The following CNTN5 variants were observed in gnomAD, a reference collection of about 807,000 sequenced individuals.
CNTN5 encodes the protein contactin-5.
CNTN5 carries 77 observed loss-of-function variants against 129.1 expected under a neutral mutation model. The ratio of observed to expected loss-of-function variants is 0.60; its 90% CI spans 0.50 to 0.72. The LOEUF (loss-of-function observed/expected upper bound fraction) is 0.72. Among genes scored for constraint, CNTN5 ranks in the 30% least tolerant of loss-of-function variants. CNTN5 has a pLI of 0.00. For synonymous variants in CNTN5, 509 were observed against 465.6 expected, an observed-to-expected ratio of 1.09 and a Z score of -1.20; for missense variants, 1,478 against 1,328.8, an observed-to-expected ratio of 1.11 and a Z score of -1.75.
At chr11:100,151,042 T>C (rs1947036214) in intron 13 of CNTN5, among the ~76,000 whole-genome samples, 1 of 152,102 alleles carries the variant, frequency 6.6e-6, no homozygotes, top group African/African-American at 2.4e-5. Flanking sequence ...CCACATTTTC[T>C]GGCACCTTGG....
intron 1 of CNTN5, among the ~76,000 whole-genome samples, chr11:99,320,428 T>A (rs559513985): frequency 6.6e-6 from 1 of 152,230 alleles, no homozygotes; most frequent in East Asian, 1.9e-4. Flanking sequence ...AATTTTGTTG[T>A]GACTTTGAGG....
intron 8 of CNTN5, among the ~76,000 whole-genome samples, chr11:99,982,133 T>G (rs1013550407): frequency 6.6e-6 from 1 of 152,204 alleles, no homozygotes; most frequent in South Asian, 2.1e-4. Flanking sequence ...AGCTGATAAC[T>G]TCAGTGAATG....
At chr11:99,618,119 G>T (rs1442637489) in intron 3 of CNTN5, among the ~76,000 whole-genome samples, 2 of 152,066 alleles carry the variant, frequency 1.3e-5, no homozygotes, top group African/African-American at 4.8e-5. Flanking sequence ...CTTGGCAGAG[G>T]TCTGGAAAGT....
chr11:99,537,679 G>A (rs1054059194), intron 2 of CNTN5, among the ~76,000 whole-genome samples: 10 of 152,246 alleles, frequency 6.6e-5, no homozygotes, highest in Non-Finnish European at 1.3e-4. Context: ...CAGAGCTCAT[G>A]TTGTCTGTGG....
intron 1 of CNTN5, among the ~76,000 whole-genome samples, chr11:99,069,073 G>A (rs183725602): frequency 5.3e-5 from 8 of 152,128 alleles, no homozygotes; most frequent in Non-Finnish European, 1.0e-4. Context: ...ATAGGAAGCC[G>A]ACAAGGTTGA....
At chr11:99,563,343 T>A (rs946287466) in intron 3 of CNTN5, among the ~76,000 whole-genome samples, 3 of 152,168 alleles carry the variant, frequency 2.0e-5, no homozygotes, top group Non-Finnish European at 4.4e-5. Context: ...TTTCTGACAA[T>A]GTAAACCTAG....
chr11:99,284,142 T>G (rs2447140), intron 1 of CNTN5, among the ~76,000 whole-genome samples: 1 of 151,882 alleles, frequency 6.6e-6, no homozygotes, highest in African/African-American at 2.4e-5. Flanking sequence ...GTCAGTGGAG[T>G]GCTTAACACC....
intron 1 of CNTN5, among the ~76,000 whole-genome samples, chr11:99,106,382 G>C (rs1386230631): frequency 6.6e-6 from 1 of 152,004 alleles, no homozygotes. Flanking sequence ...TTGGCCATTG[G>C]GAACTGTGTG....
Position 100,356,192 on chromosome 11 carries a change from C to T in CNTN5, c.3275C>T (p.Ala1092Val), listed in dbSNP as rs780922248. ...TSSSSVTLLL[A>V]LMIPSTSW ...TCGTCATCAGTCACCTTGCTCTTGG[C>T]ATTGATGATTCCTTCAACTTCCTGG... is the stretch of plus-strand genomic sequence containing the variant. Residue 1092 changes from alanine to valine, a missense_variant, in exon 25 of 25, where the codon GCA becomes GTA. Coordinates refer to ENST00000524871, the MANE Select transcript of CNTN5 (RefSeq NM_014361.4). 5 of 1,609,384 alleles carry T rather than the reference C, an allele frequency of 3.1e-6. No individual in the cohort carries two copies. The African/African-American group carries it at 5.4e-5, about 17-fold the overall frequency.
intron 3 of CNTN5, among the ~76,000 whole-genome samples, chr11:99,700,813 A>G (rs1954485278): frequency 6.6e-6 from 1 of 151,272 alleles, no homozygotes. Flanking sequence ...AGACTTTGTC[A>G]AAAGGCAGAG....
intron 6 of CNTN5, among the ~76,000 whole-genome samples, chr11:99,867,742 T>A (rs1406602471): frequency 1.3e-5 from 2 of 152,176 alleles, no homozygotes; most frequent in Admixed American, 6.6e-5. Flanking sequence ...GTCAGGTGAT[T>A]AACAGACTTA....
intron 1 of CNTN5, among the ~76,000 whole-genome samples, chr11:99,279,703 G>A (rs987876275): frequency 4.0e-5 from 6 of 151,504 alleles, no homozygotes; most frequent in African/African-American, 1.5e-4. Context: ...GTGTTATCTA[G>A]TATTTTTTAC....
intron 1 of CNTN5, among the ~76,000 whole-genome samples, chr11:99,274,525 A>T (rs1307220141): frequency 6.6e-6 from 1 of 151,608 alleles, no homozygotes; most frequent in African/African-American, 2.4e-5. Flanking sequence ...TATAATTAGT[A>T]TCTTTTGTAT....
intron 2 of CNTN5, among the ~76,000 whole-genome samples, chr11:99,374,385 T>C (rs538960136): frequency 6.6e-6 from 1 of 152,362 alleles, no homozygotes; most frequent in African/African-American, 2.4e-5. Context: ...AGCTATTCAC[T>C]ACTTAATTAA....
At chr11:99,346,598 G>A (rs532283108) in intron 2 of CNTN5, among the ~76,000 whole-genome samples, 3 of 152,350 alleles carry the variant, frequency 2.0e-5, no homozygotes, top group African/African-American at 7.2e-5. Context: ...CACCAGAGCA[G>A]GGTGCACTTG....
chr11:99,414,983 C>A (rs952192859), intron 2 of CNTN5, among the ~76,000 whole-genome samples: 20 of 152,082 alleles, frequency 1.3e-4, no homozygotes, highest in African/African-American at 4.8e-4. Context: ...TAAGAAAACT[C>A]CAGTAAAACA....
chr11:100,325,082 A>T (rs1367454610), intron 21 of CNTN5, among the ~76,000 whole-genome samples: 1 of 152,178 alleles, frequency 6.6e-6, no homozygotes, highest in Admixed American at 6.5e-5. Flanking sequence ...GCAAGCAGGG[A>T]CTTTGCCAAT....
chr11:99,847,666 C>A (rs1223959427), intron 6 of CNTN5, among the ~76,000 whole-genome samples: 1 of 152,012 alleles, frequency 6.6e-6, no homozygotes, highest in Non-Finnish European at 1.5e-5. Flanking sequence ...CAATGAAGTC[C>A]CATAGATGTA....
intron 17 of CNTN5, 82 bp downstream of exon 17, chr11:100,256,000 G>T: frequency 1.7e-6 from 2 of 1,173,078 alleles, no homozygotes; most frequent in Non-Finnish European, 1.2e-6. Context: ...GTCTTACTAT[G>T]ATTTTTTTGG....
Sources: allele counts gnomAD v4.1 joint callset (sites outside exome capture counted in the v4.1 genomes callset), GRCh38; gene constraint gnomAD v4.1.1; transcripts MANE v1.5; gene names NCBI Gene and HGNC (gene_info 2026-07-23, HGNC 2026-07-21).